Variants in RPA2 observed in about 807,000 individuals in gnomAD.
RPA2 encodes the protein replication protein A2, also known as replication protein A 32 kDa subunit.
Under a neutral mutation model 33.4 loss-of-function variants are expected in RPA2, and 22 were observed. That is an observed-to-expected ratio of 0.66 (90% CI 0.47 to 0.94). The LOEUF is 0.94. RPA2 is among the 40% of genes least tolerant of loss of function. The pLI is 0.00. For synonymous variants in RPA2, 109 were observed against 114.9 expected (o/e 0.95, Z 0.33); for missense variants, 279 against 329.9 (o/e 0.85, Z 1.19).
rs2089830015 is a variant in RPA2 at position 27,892,041 on chromosome 1, A to AT, written c.*121_*122insA. The stretch of plus-strand genomic sequence containing the variant: ...AAGTTTCAAAAGGAAGTCAGAGGAG[A>AT]CATTTGATAGATGAAACCTACTTCC... On this transcript the variant is annotated 3_prime_UTR_variant, in exon 9 of 9. Transcript: ENST00000373912. 1 of 672,792 alleles carries AT rather than the reference A, an allele frequency of 1.5e-6. No homozygotes were observed. Among genetic ancestry groups the AT allele is most frequent in the East Asian group, 2.5e-5 (1 of 39,594 alleles). The allele number at this position is 672,792 out of a possible 1,614,324, so 41.7% of individuals were successfully genotyped here. A position where few individuals can be genotyped will look rare whatever the true frequency, so the allele number is the denominator to read the frequency against.
Position 27,891,938 on chromosome 1 carries a change from C to A in RPA2, c.*225G>T. The A allele has an allele frequency of 2.1e-6, 1 of 478,406 alleles. No homozygotes were observed. The highest frequency in any genetic ancestry group is 3.8e-6 in the Non-Finnish European group (1 of 264,992). The allele number at this position is 478,406 out of a possible 1,614,324, so 29.6% of individuals were successfully genotyped here. ...TTATTTGTAACTTCCTCAAGAAATCCCACCCTGGATTGCATCCCTGTCAAT... is the reference window on the plus strand; with the variant it reads ...TTATTTGTAACTTCCTCAAGAAATCACACCCTGGATTGCATCCCTGTCAAT... On this transcript the variant is annotated 3_prime_UTR_variant, in exon 9 of 9. Transcript: ENST00000373912.
intron 2 of RPA2, among the ~76,000 whole-genome samples, chr1:27,913,853 G>A (rs2090132521): frequency 6.6e-6 from 1 of 152,124 alleles, no homozygotes; most frequent in Admixed American, 6.6e-5. Context: ...GCCAACGACG[G>A]GAAAAGCCAG....
Position 27,894,364 on chromosome 1 carries a change from CT to C in RPA2, c.558del (p.Gly187GlufsTer2). 1 of 1,613,934 alleles carries C rather than the reference CT, an allele frequency of 6.2e-7. No individual in the cohort carries two copies. Among genetic ancestry groups the C allele is most frequent in the Non-Finnish European group, 8.5e-7 (1 of 1,180,020 alleles). On this transcript the variant is annotated frameshift_variant, in exon 7 of 9. Transcript: ENST00000373912. LOFTEE classifies it high-confidence loss of function. ...PSAGRAPISN[P>X]GMSEAGNFGG... The stretch of plus-strand genomic sequence containing the variant: ...CCAAAGTTCCCTGCTTCACTCATTC[CT>C]GGATTGCTGATAGGTGCTCTCCCTG...
chr1:27,913,163 G>A (rs2090121307), intron 2 of RPA2, among the ~76,000 whole-genome samples: 1 of 151,604 alleles, frequency 6.6e-6, no homozygotes, highest in African/African-American at 2.4e-5. Flanking sequence ...ATGTTGGCCA[G>A]GCTGGTCAGG....
chr1:27,895,000 C>T (rs1228059292), intron 6 of RPA2, among the ~76,000 whole-genome samples: 2 of 152,140 alleles, frequency 1.3e-5, no homozygotes, highest in East Asian at 3.9e-4. Flanking sequence ...AATACTTGAC[C>T]TCTCGGAAGC....
intron 4 of RPA2, among the ~76,000 whole-genome samples, chr1:27,904,275 C>T (rs2090001853): frequency 6.6e-6 from 1 of 152,078 alleles, no homozygotes; most frequent in South Asian, 2.1e-4. Flanking sequence ...GGTATGTGGA[C>T]ACCTGTATGT....
chr1:27,913,069 C>T (rs2090119882), intron 2 of RPA2, among the ~76,000 whole-genome samples: 1 of 152,082 alleles, frequency 6.6e-6, no homozygotes, highest in Non-Finnish European at 1.5e-5. Flanking sequence ...TCCCCTGCTT[C>T]AGCCTCCCTA....
chr1:27,898,907 T>A (rs995029570), intron 4 of RPA2, among the ~76,000 whole-genome samples: 3 of 151,916 alleles, frequency 2.0e-5, no homozygotes, highest in Non-Finnish European at 4.4e-5. Flanking sequence ...TGTATTACTT[T>A]AAAAAAAATT....
chr1:27,898,981 G>C (rs564375749), intron 4 of RPA2, among the ~76,000 whole-genome samples: 1 of 152,280 alleles, frequency 6.6e-6, no homozygotes, highest in South Asian at 2.1e-4. Flanking sequence ...GACAAGGCAG[G>C]AGGATCCTTC....
intron 4 of RPA2, 27 bp downstream of exon 4, chr1:27,906,901 C>A: frequency 6.7e-7 from 1 of 1,503,612 alleles, no homozygotes; most frequent in Non-Finnish European, 9.2e-7. Context: ...AAAGTAACCC[C>A]ATCATGATTC....
Position 27,896,485 on chromosome 1 carries a change from C to T in RPA2, c.525+520G>A, listed in dbSNP as rs568933881. On this transcript the variant is annotated intron_variant, in intron 6 of 8. Transcript: ENST00000373912. ...ACCTTGCCCTGAGGGCTTTCTAATA[C>T]TACAGTCAACTCTAGTTTTGCATGG... 1.1e-3 allele frequency among the ~76,000 whole-genome samples: 175 copies of T among 152,276 alleles called. 1 individual carries two copies. Among genetic ancestry groups the T allele is most frequent in the Non-Finnish European group, 1.8e-3 (122 of 68,030 alleles).
At chr1:27,904,420 A>G (rs1407375749) in intron 4 of RPA2, among the ~76,000 whole-genome samples, 2 of 152,186 alleles carry the variant, frequency 1.3e-5, no homozygotes, top group Non-Finnish European at 2.9e-5. Context: ...TATATGAACA[A>G]GTAGTATTAG....
At chr1:27,901,851 A>G (rs2089971357) in intron 4 of RPA2, among the ~76,000 whole-genome samples, 2 of 151,730 alleles carry the variant, frequency 1.3e-5, no homozygotes, top group Admixed American at 1.3e-4. Flanking sequence ...CTTCCTGCCT[A>G]AGTCTCCTGA....
intron 4 of RPA2, 49 bp downstream of exon 4, chr1:27,906,879 C>T (rs2090035294): frequency 7.6e-7 from 1 of 1,315,622 alleles, no homozygotes. Flanking sequence ...AGTTCAACAT[C>T]TCCACAGTTC....
intron 4 of RPA2, among the ~76,000 whole-genome samples, chr1:27,906,351 C>A (rs937933966): frequency 2.7e-5 from 4 of 150,282 alleles, no homozygotes; most frequent in African/African-American, 9.8e-5. Context: ...TGGGTGACAG[C>A]ACAAGATTCT....
At chr1:27,906,407 G>A (rs1357547735) in intron 4 of RPA2, among the ~76,000 whole-genome samples, 2 of 151,744 alleles carry the variant, frequency 1.3e-5, no homozygotes, top group Admixed American at 6.6e-5. Context: ...AAAAAGCAGG[G>A]GCTGGGTGTG....
chr1:27,899,849 T>G (rs905685583), intron 4 of RPA2, among the ~76,000 whole-genome samples: 3 of 151,614 alleles, frequency 2.0e-5, no homozygotes, highest in African/African-American at 7.3e-5. Context: ...CCCGGCTAAT[T>G]TTTTGTATTT....
rs2089830319 is a variant in RPA2 at position 27,892,077 on chromosome 1, CT to C, written c.*85del. ...ATGAAACCTACTTCCTAGAAGCCCC[CT>C]GGCCAGACATATGCAGAGCTGGAGA... On this transcript the variant is annotated 3_prime_UTR_variant, in exon 9 of 9. Transcript: ENST00000373912. The C allele has an allele frequency of 3.6e-6, 4 of 1,100,336 alleles. No individual in the cohort carries two copies. The East Asian group carries it at 9.5e-5, about 26-fold the overall frequency. The allele number at this position is 1,100,336 out of a possible 1,614,324, so 68.2% of individuals were successfully genotyped here. A position where few individuals can be genotyped will look rare whatever the true frequency, so the allele number is the denominator to read the frequency against.
intron 6 of RPA2, among the ~76,000 whole-genome samples, chr1:27,895,414 A>G (rs1453453488): frequency 1.4e-5 from 2 of 147,682 alleles, no homozygotes; most frequent in Admixed American, 6.8e-5. Context: ...AGAGTGAGAC[A>G]CTGTCTCGAA....
Sources: gnomAD v4.1 joint callset for allele counts (sites outside exome capture counted in the v4.1 genomes callset) on GRCh38, gnomAD v4.1.1 for gene constraint, MANE v1.5 for transcripts, NCBI Gene and HGNC (gene_info 2026-07-23, HGNC 2026-07-21) for gene names.